ADGRV1: variants seen among roughly 807,000 people sequenced by gnomAD.
ADGRV1 encodes adhesion G protein-coupled receptor V1, also known as G-protein coupled receptor 98.
A neutral mutation model predicts 596.2 loss-of-function variants in ADGRV1; 359 were observed. That is an observed-to-expected ratio of 0.60 (90% CI 0.55 to 0.66). The LOEUF is 0.66. ADGRV1 is among the 30% of genes least tolerant of loss of function. The pLI is 0.00. For missense variants in ADGRV1, 7,274 were observed against 7,575.6 expected, an observed-to-expected ratio of 0.96 and a Z score of 1.48; for synonymous variants, 2,681 against 2,679.2, an observed-to-expected ratio of 1.00 and a Z score of -0.02.
chr5:90,562,379 C>T (rs889821955), intron 1 of ADGRV1, among the ~76,000 whole-genome samples: 15 of 152,174 alleles, frequency 9.9e-5, no homozygotes, highest in African/African-American at 3.6e-4. Flanking sequence ...CTCCAATATG[C>T]CAGGATCTTA....
intron 86 of ADGRV1, among the ~76,000 whole-genome samples, chr5:91,092,386 A>G (rs1790463561): frequency 6.6e-6 from 1 of 152,218 alleles, no homozygotes; most frequent in Non-Finnish European, 1.5e-5. Flanking sequence ...GGTGTGAGCC[A>G]CCATGCCTGG....
At chr5:90,746,211 T>G (rs1754609500) in intron 52 of ADGRV1, among the ~76,000 whole-genome samples, 1 of 107,380 alleles carries the variant, frequency 9.3e-6, no homozygotes, top group African/African-American at 3.7e-5. Flanking sequence ...GTTACTTCTG[T>G]GGAGAGGGGA....
intron 20 of ADGRV1, 45 bp from the exon 21 acceptor site, chr5:90,657,860 G>T: frequency 6.6e-7 from 1 of 1,506,632 alleles, no homozygotes; most frequent in South Asian, 1.5e-5. Context: ...TTTAGGACAG[G>T]ACACTTGAAG....
At chr5:90,679,485 T>C in intron 25 of ADGRV1, 64 bp from the exon 26 acceptor site, 1 of 1,153,230 alleles carries the variant, frequency 8.7e-7, no homozygotes, top group Non-Finnish European at 1.3e-6. Context: ...TTTTAAGACC[T>C]CTCAATTTTC....
Position 91,153,257 on chromosome 5 carries a change from G to GGCA in ADGRV1, c.18663_18665dup (p.Ser6222dup), listed in dbSNP as rs1562286931. The GGCA allele has an allele frequency of 1.2e-6, 2 of 1,608,660 alleles. No homozygotes were observed. The highest frequency in any genetic ancestry group is 1.7e-4 in the Middle Eastern group (1 of 6,058). On this transcript the variant is annotated inframe_insertion, in exon 89 of 90. Transcript: ENST00000405460. Reference sequence around the variant, plus strand: ...CTGGGAGAGAGCATCCTTCCAACAGGGCAGTCAGGCCAGCCCTGATTTAAA... The same window carrying GGCA: ...CTGGGAGAGAGCATCCTTCCAACAGGGCAGCAGTCAGGCCAGCCCTGATTTAAA...
chr5:91,138,957 G>A (rs1794874502), intron 87 of ADGRV1, among the ~76,000 whole-genome samples: 1 of 152,122 alleles, frequency 6.6e-6, no homozygotes, highest in East Asian at 1.9e-4. Context: ...TTTTAGTAGA[G>A]ACAGGGTTTC....
chr5:91,090,787 A>T (rs1000393767), intron 86 of ADGRV1, among the ~76,000 whole-genome samples: 2 of 152,104 alleles, frequency 1.3e-5, no homozygotes, highest in African/African-American at 2.4e-5. Context: ...AAGCTGCTTA[A>T]ATTACCTTCT....
intron 60 of ADGRV1, among the ~76,000 whole-genome samples, chr5:90,774,896 C>T (rs1236722524): frequency 6.6e-6 from 1 of 152,052 alleles, no homozygotes; most frequent in Non-Finnish European, 1.5e-5. Context: ...TGTAATAAAA[C>T]ATTATTTTTA....
chr5:90,994,472 A>T (rs531378975), intron 85 of ADGRV1, among the ~76,000 whole-genome samples: 9 of 152,298 alleles, frequency 5.9e-5, no homozygotes, highest in South Asian at 4.1e-4. Context: ...TCATTTAGTT[A>T]TATAGACATA....
At chr5:90,863,383 C>G (rs1767789301) in intron 82 of ADGRV1, among the ~76,000 whole-genome samples, 1 of 152,160 alleles carries the variant, frequency 6.6e-6, no homozygotes, top group Admixed American at 6.6e-5. Context: ...ACACTTTCTT[C>G]CTGGTTTGGG....
At chr5:90,658,732 C>T (rs904001535) in intron 21 of ADGRV1, among the ~76,000 whole-genome samples, 27 of 148,390 alleles carry the variant, frequency 1.8e-4, no homozygotes, top group African/African-American at 6.5e-4. Context: ...CACTTTCTTC[C>T]ATGTTGGGTG....
At chr5:90,563,216 C>T (rs1755088587) in intron 1 of ADGRV1, among the ~76,000 whole-genome samples, 1 of 152,250 alleles carries the variant, frequency 6.6e-6, no homozygotes, top group South Asian at 2.1e-4. Flanking sequence ...GGTCCCCTGT[C>T]TGTCTTCAGT....
chr5:90,890,414 T>C (rs1770695761), intron 83 of ADGRV1, among the ~76,000 whole-genome samples: 2 of 152,150 alleles, frequency 1.3e-5, no homozygotes, highest in Admixed American at 1.3e-4. Context: ...GTTAACAACA[T>C]TGACTCCAGA....
chr5:91,097,612 A>G (rs1376001667), intron 86 of ADGRV1, among the ~76,000 whole-genome samples: 1 of 152,178 alleles, frequency 6.6e-6, no homozygotes, highest in Non-Finnish European at 1.5e-5. Flanking sequence ...GTTGGATCGT[A>G]TGGTAACTCT....
At chr5:90,709,685 A>T (rs976350439) in intron 39 of ADGRV1, among the ~76,000 whole-genome samples, 1 of 152,250 alleles carries the variant, frequency 6.6e-6, no homozygotes, top group South Asian at 2.1e-4. Flanking sequence ...ATTGAAAGGA[A>T]ATAATCAGTT....
rs770464834 is a variant in ADGRV1, at chr5:90,776,556, T to C, written c.12507T>C (p.Tyr4169=). The C allele has an allele frequency of 6.2e-7, 1 of 1,613,394 alleles. No homozygotes were observed. Among genetic ancestry groups the C allele is most frequent in the Non-Finnish European group, 8.5e-7 (1 of 1,179,490 alleles). ...HILIGEPSAK[Y]NGTAIISLVR... Reference sequence around the variant, plus strand: ...TCATTGGGGAACCCTCAGCAAAATATAATGGTACCGCTATTATCAGGTAAG... The same window carrying C: ...TCATTGGGGAACCCTCAGCAAAATACAATGGTACCGCTATTATCAGGTAAG... Residue 4169 remains tyrosine, a synonymous_variant, in exon 61 of 90, where the codon TAT becomes TAC. Transcript: ENST00000405460.
intron 60 of ADGRV1, among the ~76,000 whole-genome samples, chr5:90,775,142 A>G (rs879360879): frequency 6.6e-6 from 1 of 152,178 alleles, no homozygotes; most frequent in Non-Finnish European, 1.5e-5. Flanking sequence ...AACTTTTAGC[A>G]TGAAAATTTG....
intron 27 of ADGRV1, 87 bp downstream of exon 27, chr5:90,681,541 CT>C (rs555227162): frequency 5.3e-6 from 7 of 1,325,448 alleles, no homozygotes; most frequent in Admixed American, 2.7e-5. Flanking sequence ...TTATGCTTTC[CT>C]TTTTTTGTGT....
At chr5:90,792,237 A>G (rs2150139238) in intron 70 of ADGRV1, 1 of 152,340 alleles carries the variant, frequency 6.6e-6, no homozygotes, top group African/African-American at 2.4e-5. Context: ...GGAACACCCA[A>G]ATCAACTCCA....
Sources: allele counts gnomAD v4.1 joint callset (sites outside exome capture counted in the v4.1 genomes callset), GRCh38; gene constraint gnomAD v4.1.1; transcripts MANE v1.5; gene names NCBI Gene and HGNC (gene_info 2026-07-23, HGNC 2026-07-21).